Variants in OR6N2 observed in about 807,000 individuals in gnomAD.
The protein encoded by OR6N2 is olfactory receptor family 6 subfamily N member 2.
For missense variants in OR6N2, 399 were observed against 379.7 expected (o/e 1.05, Z -0.42); for synonymous variants, 160 against 138.3 (o/e 1.16, Z -1.10).
In OR6N2 at chr1:158,775,302, G is replaced by A. The variant is rs1225358172; in HGVS notation, c.*1380C>T. ...AGAAAATCACACAATTAGGAGGAGT[G>A]AACCAAATGAAATGTTGGGGAAAAA... On this transcript the variant is annotated 3_prime_UTR_variant, in exon 2 of 2. Transcript: ENST00000641131. The A allele has an allele frequency of 6.6e-6, 1 of 152,168 alleles. No individual in the cohort carries two copies. Among genetic ancestry groups the A allele is most frequent in the Admixed American group, 6.6e-5 (1 of 15,266 alleles). The allele number at this position is 152,168 out of a possible 1,614,324, so 9.4% of individuals were successfully genotyped here.
Position 158,776,629 on chromosome 1 carries a change from C to T in OR6N2, c.*53G>A, listed in dbSNP as rs766800402. The T allele has an allele frequency of 4.2e-5, 45 of 1,062,740 alleles. No homozygotes were observed. The highest frequency in any genetic ancestry group is 6.1e-5 in the Non-Finnish European group (44 of 722,446). The allele number at this position is 1,062,740 out of a possible 1,614,324, so 65.8% of individuals were successfully genotyped here. A position where few individuals can be genotyped will look rare whatever the true frequency, so the allele number is the denominator to read the frequency against. On this transcript the variant is annotated 3_prime_UTR_variant, in exon 2 of 2. Transcript: ENST00000641131. The stretch of plus-strand genomic sequence containing the variant: ...CATGTGTGATGATGGGAAGATTACT[C>T]AAGGAACTTTTATGAATTGAACATT...
rs1411437819 is a variant in OR6N2 at position 158,774,952 on chromosome 1, G to A, written c.*1730C>T. ...AAAGGCCAAATATATTATTGACCAG[G>A]TGTGGGTAAAATTCATCACATGTTT... On this transcript the variant is annotated 3_prime_UTR_variant, in exon 2 of 2. Coordinates refer to ENST00000641131, the MANE Select transcript of OR6N2 (RefSeq NM_001005278.2). 1 of 152,180 alleles carries A rather than the reference G, an allele frequency of 6.6e-6. No homozygotes were observed. Among genetic ancestry groups the A allele is most frequent in the Admixed American group, 6.5e-5 (1 of 15,274 alleles). The allele number at this position is 152,180 out of a possible 1,614,324, so 9.4% of individuals were successfully genotyped here. A position where few individuals can be genotyped will look rare whatever the true frequency, so the allele number is the denominator to read the frequency against.
Position 158,777,044 on chromosome 1 carries a change from C to G in OR6N2, c.592G>C (p.Val198Leu). 1 of 1,614,052 alleles carries G rather than the reference C, an allele frequency of 6.2e-7. No homozygotes were observed. The highest frequency in any genetic ancestry group is 8.5e-7 in the Non-Finnish European group (1 of 1,179,976). ...ATGAAAGCATTAATGGCAAAGTCCACCAGAATGTTAGCAGATGTGTCCTTG... is the reference window on the plus strand; with the variant it reads ...ATGAAAGCATTAATGGCAAAGTCCAGCAGAATGTTAGCAGATGTGTCCTTG... The part of the protein sequence containing the change: ...ACKDTSANIL[V>L]DFAINAFIIL... Residue 198 changes from valine (V) to leucine (L), a missense_variant, in exon 2 of 2, where the codon GTG becomes CTG. By Grantham distance (32) the Val-to-Leu change is conservative. Transcript: ENST00000641131.
intron 1 of OR6N2, among the ~76,000 whole-genome samples, chr1:158,778,173 T>C (rs750293480): frequency 6.6e-6 from 1 of 152,194 alleles, no homozygotes; most frequent in Non-Finnish European, 1.5e-5. Flanking sequence ...TAAACATTTA[T>C]TGAACAAATA....
chr1:158,777,969 A>G (rs770199253), intron 1 of OR6N2, among the ~76,000 whole-genome samples: 1 of 152,334 alleles, frequency 6.6e-6, no homozygotes, highest in East Asian at 1.9e-4. Flanking sequence ...TGTATTTCCT[A>G]TAGATACTAT....
At chr1:158,780,945 C>T (rs961702573) in intron 1 of OR6N2, among the ~76,000 whole-genome samples, 1 of 152,154 alleles carries the variant, frequency 6.6e-6, no homozygotes, top group Non-Finnish European at 1.5e-5. Context: ...GAATTAAGAA[C>T]CAAATGGAGG....
intron 1 of OR6N2, among the ~76,000 whole-genome samples, chr1:158,780,726 AAGT>A (rs1657731460): frequency 3.3e-5 from 5 of 152,210 alleles, no homozygotes; most frequent in Admixed American, 6.5e-5. Context: ...GAAAAATTGT[AAGT>A]AGAATTATCG....
chr1:158,780,513 C>T (rs2102017630), intron 1 of OR6N2, among the ~76,000 whole-genome samples: 1 of 152,278 alleles, frequency 6.6e-6, no homozygotes, highest in Non-Finnish European at 1.5e-5. Flanking sequence ...ATAAACCTAT[C>T]ATAATGAAGA....
rs1159605711 is a variant in OR6N2, at chr1:158,775,943, G to T, written c.*739C>A. 6.6e-6 allele frequency: 1 copy of T among 152,212 alleles called. No homozygotes were observed. Among genetic ancestry groups the T allele is most frequent in the Non-Finnish European group, 1.5e-5 (1 of 68,034 alleles). The allele number at this position is 152,212 out of a possible 1,614,324, so 9.4% of individuals were successfully genotyped here. ...AGTCCAATCCAGGCAGTGTTGATAA[G>T]TAGGAAGTTGAATATATAAATCTAA... On this transcript the variant is annotated 3_prime_UTR_variant, in exon 2 of 2. Coordinates refer to ENST00000641131, the MANE Select transcript of OR6N2 (RefSeq NM_001005278.2).
chr1:158,775,155 T>G lies in OR6N2; in HGVS notation c.*1527A>C, dbSNP rs1657560101. On this transcript the variant is annotated 3_prime_UTR_variant, in exon 2 of 2. Coordinates refer to ENST00000641131, the MANE Select transcript of OR6N2 (RefSeq NM_001005278.2). ...ACATAAATGTCCACAAACACATAAA[T>G]TGCCATACATATTTTGAAGAGAAGC... The G allele has an allele frequency of 6.6e-6, 1 of 152,176 alleles. No homozygotes were observed. Among genetic ancestry groups the G allele is most frequent in the South Asian group, 2.1e-4 (1 of 4,822 alleles). 9.4% of individuals were successfully genotyped at this position (152,176 alleles called of 1,614,324 possible). A position where few individuals can be genotyped will look rare whatever the true frequency, so the allele number is the denominator to read the frequency against.
intron 1 of OR6N2, among the ~76,000 whole-genome samples, chr1:158,779,355 T>C (rs907567793): frequency 2.0e-5 from 3 of 152,190 alleles, no homozygotes; most frequent in Admixed American, 6.5e-5. Flanking sequence ...AGCCTCTTGC[T>C]TATTTTCATC....
At chr1:158,779,024 A>AAAAAAAAAAAAAAAAAAAAAAAG (rs1558036634) in intron 1 of OR6N2, among the ~76,000 whole-genome samples, 1 of 151,204 alleles carries the variant, frequency 6.6e-6, no homozygotes, top group African/African-American at 2.4e-5. Flanking sequence ...GTCTCAAAAA[A>AAAAAAAAAAAAAAAAAAAAAAAG]AAAAAAAAGA....
At chr1:158,778,548 C>G (rs1657666836) in intron 1 of OR6N2, among the ~76,000 whole-genome samples, 1 of 152,182 alleles carries the variant, frequency 6.6e-6, no homozygotes, top group Non-Finnish European at 1.5e-5. Context: ...TCCATAGATG[C>G]AGGGCATCAC....
Position 158,776,806 on chromosome 1 carries a change from A to G in OR6N2, c.830T>C (p.Val277Ala). Residue 277 changes from valine (V) to alanine (A), a missense_variant, in exon 2 of 2, where the codon GTT becomes GCT. By Grantham distance (64) the Val-to-Ala change is moderately conservative. Transcript: ENST00000641131. ...SLTLDRTLAIVYSVLTPMVNP... is the reference protein window; with the variant it reads ...SLTLDRTLAIAYSVLTPMVNP... Reference sequence around the variant, plus strand: ...GACCATTGGTGTTAGTACGGAGTAAACTATAGCAAGTGTTCGGTCAAGGGT... The same window carrying G: ...GACCATTGGTGTTAGTACGGAGTAAGCTATAGCAAGTGTTCGGTCAAGGGT... 1 of 1,614,066 alleles carries G rather than the reference A, an allele frequency of 6.2e-7. No individual in the cohort carries two copies. The highest frequency in any genetic ancestry group is 1.1e-5 in the South Asian group (1 of 91,080).
chr1:158,780,344 A>T (rs1657722150), intron 1 of OR6N2, among the ~76,000 whole-genome samples: 1 of 152,194 alleles, frequency 6.6e-6, no homozygotes, highest in African/African-American at 2.4e-5. Context: ...AGCACCCTAA[A>T]GGCCTCTGGA....
In OR6N2 at chr1:158,775,871, A is replaced by C. The variant is rs1657579866; in HGVS notation, c.*811T>G. The C allele has an allele frequency of 6.6e-6, 1 of 152,212 alleles. No individual in the cohort carries two copies. The highest frequency in any genetic ancestry group is 1.5e-5 in the Non-Finnish European group (1 of 68,022). The allele number at this position is 152,212 out of a possible 1,614,324, so 9.4% of individuals were successfully genotyped here. On this transcript the variant is annotated 3_prime_UTR_variant, in exon 2 of 2. Transcript: ENST00000641131. ...AAAGCATCAAGCTTTCATGGTTAGA[A>C]ATTTTAAGAAATCAATTTTGACATG...
Position 158,776,703 on chromosome 1 carries a change from T to C in OR6N2, c.933A>G (p.Lys311=), listed in dbSNP as rs368185988. ...AAAGTCAAAGATGAGCAAGACTAGCTTTATCTCCCTTCTGGAAGATGGTCC... is the reference window on the plus strand; with the variant it reads ...AAAGTCAAAGATGAGCAAGACTAGCCTTATCTCCCTTCTGGAAGATGGTCC... ...IKRTIFQKGD[K]ASLAHL The change falls in exon 2 of 2, where the codon AAA becomes AAG. Residue 311 remains lysine (K), a synonymous_variant. Coordinates refer to ENST00000641131, the MANE Select transcript of OR6N2 (RefSeq NM_001005278.2). 1.2e-6 allele frequency: 2 copies of C among 1,607,526 alleles called. No individual in the cohort carries two copies. Among genetic ancestry groups the C allele is most frequent in the Non-Finnish European group, 1.7e-6 (2 of 1,175,496 alleles).
Position 158,776,962 on chromosome 1 carries a change from A to G in OR6N2, c.674T>C (p.Val225Ala). The change falls in exon 2 of 2, where the codon GTG (valine) becomes GCG (alanine). Residue 225 changes from valine (V) to alanine (A), a missense_variant. Val to Ala is a moderately conservative substitution (Grantham distance 64). Transcript: ENST00000641131. The stretch of plus-strand genomic sequence containing the variant: ...TCCTGATGCTGTTTTTATCTTCAGC[A>G]CAGCCCCAATGATCCTTGCATAAGA... ...MISYARIIGA[V>A]LKIKTASGRK... is the part of the protein sequence containing the mutation. 4 of 1,614,190 alleles carry G rather than the reference A, an allele frequency of 2.5e-6. No homozygotes were observed. The highest frequency in any genetic ancestry group is 3.4e-6 in the Non-Finnish European group (4 of 1,180,030).
At chr1:158,779,991 G>C (rs774736196) in intron 1 of OR6N2, among the ~76,000 whole-genome samples, 24 of 152,176 alleles carry the variant, frequency 1.6e-4, no homozygotes, top group Non-Finnish European at 1.5e-5. Context: ...GCATAGAATT[G>C]TGAAATCAAT....
Sources: allele counts gnomAD v4.1 joint callset (sites outside exome capture counted in the v4.1 genomes callset), GRCh38; gene constraint gnomAD v4.1.1; transcripts MANE v1.5; gene names NCBI Gene and HGNC (gene_info 2026-07-23, HGNC 2026-07-21).